PAMR1: variants seen among roughly 807,000 people sequenced by gnomAD.
PAMR1 encodes the protein peptidase domain containing associated with muscle regeneration 1.
PAMR1 carries 88 observed loss-of-function variants against 81.8 expected under a neutral mutation model. The observed-to-expected ratio is 1.08, with a 90% CI of 0.91 to 1.28. PAMR1 has a LOEUF of 1.28. Among genes scored for constraint, PAMR1 ranks in the 50% most tolerant of loss-of-function variants. PAMR1 has a pLI of 0.00. For synonymous variants in PAMR1, 336 were observed against 345.3 expected, an observed-to-expected ratio of 0.97 and a Z score of 0.30; for missense variants, 935 against 919.7, an observed-to-expected ratio of 1.02 and a Z score of -0.21.
At chr11:35,504,940 A>G (rs945982806) in intron 1 of PAMR1, among the ~76,000 whole-genome samples, 2 of 151,372 alleles carry the variant, frequency 1.3e-5, no homozygotes, top group Middle Eastern at 3.4e-3. Context: ...CCTGAGGTGC[A>G]TTGTTATGTT....
intron 6 of PAMR1, among the ~76,000 whole-genome samples, chr11:35,444,467 T>C (rs1003350025): frequency 6.6e-6 from 1 of 152,240 alleles, no homozygotes; most frequent in East Asian, 1.9e-4. Context: ...AGGCTTTTTA[T>C]AGTTTTGGAT....
At chr11:35,446,548 A>G (rs967393981) in intron 6 of PAMR1, among the ~76,000 whole-genome samples, 16 of 152,090 alleles carry the variant, frequency 1.1e-4, no homozygotes, top group African/African-American at 3.6e-4. Flanking sequence ...GTTTGTTCTC[A>G]TTGGTTTCAA....
Position 35,467,433 on chromosome 11 carries a change from C to T in PAMR1, c.820+568G>A, listed in dbSNP as rs543878808. On this transcript the variant is annotated intron_variant, in intron 6 of 10. Transcript: ENST00000619888. The stretch of plus-strand genomic sequence containing the variant: ...ATGCTGATGGCTTCCATCTGTGACA[C>T]CTGTTTTCGGTCTGGTAACCAAGGC... 2.0e-5 allele frequency among the ~76,000 whole-genome samples: 3 copies of T among 152,318 alleles called. No homozygotes were observed. The South Asian group carries it at 6.2e-4, about 32-fold the overall frequency.
At position 35,450,750 on chromosome 11, in the gene PAMR1, C is replaced by T. The variant is rs542707696; in HGVS notation, c.821-9057G>A. 3.9e-5 allele frequency among the ~76,000 whole-genome samples: 6 copies of T among 152,254 alleles called. No homozygotes were observed. In the South Asian group the frequency reaches 6.2e-4, roughly 16 times the overall value. On this transcript the variant is annotated intron_variant, in intron 6 of 10. Coordinates refer to ENST00000619888, the MANE Select transcript of PAMR1 (RefSeq NM_001001991.3). ...ATTTCATTTAAAAATCTATATTATT[C>T]GTTTCTAACATAATTCAGATCTGAA... is the stretch of plus-strand genomic sequence containing the variant.
intron 1 of PAMR1, among the ~76,000 whole-genome samples, chr11:35,516,863 T>C (rs1362658866): frequency 1.3e-5 from 2 of 152,030 alleles, no homozygotes; most frequent in Non-Finnish European, 2.9e-5. Context: ...TCTAATGAAA[T>C]ATCAGTCAGG....
chr11:35,514,757 T>C (rs1236489344), intron 1 of PAMR1, among the ~76,000 whole-genome samples: 2 of 152,162 alleles, frequency 1.3e-5, no homozygotes, highest in East Asian at 1.9e-4. Flanking sequence ...GAGGCCGTGG[T>C]GGGGAATGGC....
Position 35,451,896 on chromosome 11 carries a change from G to A in PAMR1, c.821-10203C>T, listed in dbSNP as rs765984003. On this transcript the variant is annotated intron_variant, in intron 6 of 10. Transcript: ENST00000619888. The stretch of plus-strand genomic sequence containing the variant: ...CTGAAGCAAGCCCTCACCAGACAAT[G>A]AATCTTCTGACGCCTTGATCTTGGA... 11 of 705,116 alleles carry A rather than the reference G, an allele frequency of 1.6e-5. 1 individual carries two copies. The highest frequency in any genetic ancestry group is 1.4e-4 in the South Asian group (9 of 65,496). 43.7% of individuals were successfully genotyped at this position (705,116 alleles called of 1,614,324 possible).
chr11:35,488,168 A>G (rs1850545612), intron 3 of PAMR1, among the ~76,000 whole-genome samples: 1 of 143,652 alleles, frequency 7.0e-6, no homozygotes, highest in Non-Finnish European at 1.5e-5. Context: ...TACTCACATT[A>G]GCTTAAAACC....
chr11:35,432,459 C>G lies in PAMR1; in HGVS notation c.2060G>C (p.Gly687Ala). The G allele has an allele frequency of 6.2e-7, 1 of 1,614,210 alleles. No homozygotes were observed. Among genetic ancestry groups the G allele is most frequent in the South Asian group, 1.1e-5 (1 of 91,082 alleles). ...TTTATCATAGCTCCAGCTGACCAGT[C>G]CCATCAGATGCCAGCGTGGCTCAGG... ...ASPEPRWHLMGLVSWSYDKTC... is the reference protein window; with the variant it reads ...ASPEPRWHLMALVSWSYDKTC... Residue 687 changes from glycine (G) to alanine (A), a missense_variant, in exon 11 of 11, where the codon GGA (glycine) becomes GCA (alanine). Coordinates refer to ENST00000619888, the MANE Select transcript of PAMR1 (RefSeq NM_001001991.3).
intron 1 of PAMR1, among the ~76,000 whole-genome samples, chr11:35,501,036 T>C (rs1300789969): frequency 6.6e-6 from 1 of 152,128 alleles, no homozygotes; most frequent in Non-Finnish European, 1.5e-5. Context: ...ATAAACACCA[T>C]ACACTTAGCC....
In PAMR1 at chr11:35,470,769, C is replaced by T. The variant is rs143190930; in HGVS notation, c.544G>A (p.Val182Ile). Reference protein sequence around the residue: ...EFDYMCQYDYVEVRDGDNRDG... With the variant: ...EFDYMCQYDYIEVRDGDNRDG... ...CGGTTGTCTCCATCACGAACCTCAA[C>T]ATAGTCATACTGGCACATGTAGTCA... The change falls in exon 5 of 11, where the codon GTT becomes ATT. Residue 182 changes from valine to isoleucine, a missense_variant. Physicochemically the swap from Val to Ile is conservative, Grantham distance 29. Coordinates refer to ENST00000619888, the MANE Select transcript of PAMR1 (RefSeq NM_001001991.3). 3.7e-4 allele frequency: 600 copies of T among 1,614,028 alleles called. 1 individual carries two copies. The highest frequency in any genetic ancestry group is 4.9e-4 in the Non-Finnish European group (577 of 1,180,018).
chr11:35,438,766 T>C (rs369312017), intron 8 of PAMR1, among the ~76,000 whole-genome samples: 3 of 152,080 alleles, frequency 2.0e-5, no homozygotes, highest in Non-Finnish European at 2.9e-5. Flanking sequence ...GATGCTAAGA[T>C]AAAAACAGAA....
At chr11:35,511,918 G>A (rs748566807) in intron 1 of PAMR1, among the ~76,000 whole-genome samples, 2 of 152,166 alleles carry the variant, frequency 1.3e-5, no homozygotes, top group Non-Finnish European at 2.9e-5. Flanking sequence ...GGGGCTCTTG[G>A]TGATTCTATC....
intron 1 of PAMR1, among the ~76,000 whole-genome samples, chr11:35,495,867 G>A (rs151107903): frequency 2.8e-4 from 43 of 152,318 alleles, no homozygotes; most frequent in African/African-American, 1.0e-3. Flanking sequence ...CTCGCACAAT[G>A]AGGGACAGTT....
chr11:35,508,671 T>C (rs1160117451), intron 1 of PAMR1, among the ~76,000 whole-genome samples: 1 of 152,062 alleles, frequency 6.6e-6, no homozygotes, highest in Non-Finnish European at 1.5e-5. Context: ...GATATCTTTT[T>C]ATGCTCATTC....
chr11:35,499,373 C>G (rs921312433), intron 1 of PAMR1, among the ~76,000 whole-genome samples: 1 of 152,180 alleles, frequency 6.6e-6, no homozygotes, highest in Non-Finnish European at 1.5e-5. Context: ...CTCACCCCCT[C>G]CCTCTATTCA....
At chr11:35,521,451 T>C (rs549798047) in intron 1 of PAMR1, among the ~76,000 whole-genome samples, 4 of 152,166 alleles carry the variant, frequency 2.6e-5, no homozygotes, top group Non-Finnish European at 5.9e-5. Flanking sequence ...ATTAAACATA[T>C]GGGTTGAGAG....
intron 3 of PAMR1, among the ~76,000 whole-genome samples, chr11:35,476,559 C>T (rs369209674): frequency 2.9e-4 from 44 of 152,266 alleles, no homozygotes; most frequent in African/African-American, 9.6e-4. Flanking sequence ...CCCAGCCACA[C>T]GGAGCTGTGA....
intron 5 of PAMR1, among the ~76,000 whole-genome samples, chr11:35,470,240 G>A (rs1002686696): frequency 2.6e-5 from 4 of 152,142 alleles, no homozygotes; most frequent in African/African-American, 9.7e-5. Flanking sequence ...GATCTGTCAG[G>A]GATTTAAAGC....
Sources: gnomAD v4.1 joint callset for allele counts (sites outside exome capture counted in the v4.1 genomes callset) on GRCh38, gnomAD v4.1.1 for gene constraint, MANE v1.5 for transcripts, NCBI Gene and HGNC (gene_info 2026-07-23, HGNC 2026-07-21) for gene names.